Variants in THADA observed in about 807,000 individuals in gnomAD.
THADA encodes the protein tRNA (32-2'-O)-methyltransferase regulator THADA.
In THADA, 213 loss-of-function variants were observed where a neutral mutation model predicts 219.8. The ratio of observed to expected loss-of-function variants is 0.97; its 90% confidence interval spans 0.87 to 1.09. The LOEUF (loss-of-function observed/expected upper bound fraction) is 1.09, where lower values mean the gene tolerates loss of function less well. Ranked by LOEUF, THADA falls within the 50% of genes least tolerant of loss-of-function variation. The probability of loss-of-function intolerance (pLI) is 0.00; values close to 1 mark genes in which losing one functional copy is unlikely to be tolerated. For missense variants in THADA, 2,956 were observed against 2,311.3 expected, an observed-to-expected ratio of 1.28 and a Z score of -5.72; for synonymous variants, 1,018 against 828.9, an observed-to-expected ratio of 1.23 and a Z score of -3.92.
chr2:43,511,732 T>G (rs1414387678), intron 22 of THADA, among the ~76,000 whole-genome samples: 5 of 152,206 alleles, frequency 3.3e-5, no homozygotes, highest in Non-Finnish European at 7.3e-5. Context: ...TGATGAAACT[T>G]CCTCCAAATA....
intron 3 of THADA, 26 bp downstream of exon 3, chr2:43,591,926 A>G: frequency 1.4e-6 from 2 of 1,434,610 alleles, no homozygotes; most frequent in Non-Finnish European, 1.9e-6. Context: ...TTAAAGATGC[A>G]TCCATGAATA....
At chr2:43,347,236 G>C (rs1051140652) in intron 29 of THADA, among the ~76,000 whole-genome samples, 1 of 152,112 alleles carries the variant, frequency 6.6e-6, no homozygotes, top group East Asian at 1.9e-4. Flanking sequence ...ATGGTAAATG[G>C]CGTATAATAA....
intron 31 of THADA, among the ~76,000 whole-genome samples, chr2:43,314,695 G>A (rs960667320): frequency 3.3e-5 from 5 of 152,132 alleles, no homozygotes; most frequent in African/African-American, 4.8e-5. Context: ...GTGGCAGTTC[G>A]GCTTTTTCTT....
At chr2:43,500,013 C>A (rs1360584112) in intron 24 of THADA, among the ~76,000 whole-genome samples, 3 of 151,902 alleles carry the variant, frequency 2.0e-5, no homozygotes, top group East Asian at 3.9e-4. Flanking sequence ...CAGAAATAAA[C>A]CCCTGACATG....
At chr2:43,535,304 TC>T (rs1694423464) in intron 21 of THADA, among the ~76,000 whole-genome samples, 1 of 152,050 alleles carries the variant, frequency 6.6e-6, no homozygotes, top group African/African-American at 2.4e-5. Context: ...CTCTGTTGTT[TC>T]CTTTGCTGTG....
chr2:43,574,837 G>C lies in THADA; in HGVS notation c.1228C>G (p.Gln410Glu). Residue 410 changes from glutamine (Q) to glutamate (E), a missense_variant, in exon 11 of 38, where the codon CAA becomes GAA. Coordinates refer to ENST00000405975, the MANE Select transcript of THADA (RefSeq NM_022065.5). Reference sequence around the variant, plus strand: ...AGGTTTTTGAACATGATTTTGGTTTGGTGTCTCAGAGCATCCAATGGATGT... The same window carrying C: ...AGGTTTTTGAACATGATTTTGGTTTCGTGTCTCAGAGCATCCAATGGATGT... ...WEHPLDALRH[Q>E]TKIMFKNLLQ... is the part of the protein sequence containing the mutation. 6.2e-7 allele frequency: 1 copy of C among 1,613,946 alleles called. No homozygotes were observed. Among genetic ancestry groups the C allele is most frequent in the Non-Finnish European group, 8.5e-7 (1 of 1,179,878 alleles).
intron 35 of THADA, among the ~76,000 whole-genome samples, chr2:43,281,253 T>G (rs761438355): frequency 1.3e-5 from 2 of 152,176 alleles, no homozygotes; most frequent in Non-Finnish European, 2.9e-5. Flanking sequence ...GATTTAAATT[T>G]TACTCAGCCT....
At position 43,411,031 on chromosome 2, in the gene THADA, A is replaced by G. The variant is rs546429428; in HGVS notation, c.4059-12892T>C. On this transcript the variant is annotated intron_variant, in intron 28 of 37. Transcript: ENST00000405975. ...CAGCTATTTCCTTTAAACTTTTACA[A>G]CCAGAATTAATGTTCCCTTGTGCTC... 4.4e-4 allele frequency among the ~76,000 whole-genome samples: 67 copies of G among 152,350 alleles called. 1 individual carries two copies. In the South Asian group the frequency reaches 0.013, roughly 31 times the overall value.
chr2:43,269,265 C>CAG (rs1397955928), intron 36 of THADA, among the ~76,000 whole-genome samples: 1 of 152,182 alleles, frequency 6.6e-6, no homozygotes, highest in Non-Finnish European at 1.5e-5. Flanking sequence ...TCGCCTTGGC[C>CAG]AGAGAGCTCG....
chr2:43,420,677 A>G (rs980647729), intron 28 of THADA, among the ~76,000 whole-genome samples: 2 of 152,210 alleles, frequency 1.3e-5, no homozygotes, highest in African/African-American at 4.8e-5. Context: ...CTGCTCAAAA[A>G]CATATTTAGA....
At chr2:43,590,367 C>T (rs1445739689) in intron 4 of THADA, among the ~76,000 whole-genome samples, 1 of 152,046 alleles carries the variant, frequency 6.6e-6, no homozygotes, top group Non-Finnish European at 1.5e-5. Flanking sequence ...CCTAAGAAGG[C>T]TTTTTATACT....
chr2:43,445,624 T>C (rs1681427479), intron 26 of THADA, among the ~76,000 whole-genome samples: 1 of 152,214 alleles, frequency 6.6e-6, no homozygotes, highest in African/African-American at 2.4e-5. Context: ...CCAGTATCCT[T>C]GTTTCCCTGC....
At chr2:43,372,717 C>T (rs1158291491) in intron 29 of THADA, among the ~76,000 whole-genome samples, 4 of 152,136 alleles carry the variant, frequency 2.6e-5, no homozygotes, top group African/African-American at 9.7e-5. Context: ...GGCTCGACTT[C>T]CATTGTGACA....
chr2:43,535,759 TA>T, intron 21 of THADA, among the ~76,000 whole-genome samples: 1 of 151,998 alleles, frequency 6.6e-6, no homozygotes, highest in Non-Finnish European at 1.5e-5. Flanking sequence ...AGTAGTTTTA[TA>T]GTAGTCTTTA....
At chr2:43,289,961 T>G (rs562647356) in intron 34 of THADA, among the ~76,000 whole-genome samples, 184 of 132,444 alleles carry the variant, frequency 1.4e-3, no homozygotes, top group Middle Eastern at 3.8e-3. Flanking sequence ...GCCCTGGTGT[T>G]TTTTTTTTGT....
chr2:43,547,241 G>C (rs141311393), intron 20 of THADA, among the ~76,000 whole-genome samples: 1 of 151,982 alleles, frequency 6.6e-6, no homozygotes, highest in Non-Finnish European at 1.5e-5. Context: ...CGAGAGATCC[G>C]CTGTTAGTCG....
At chr2:43,324,197 A>G (rs1462137974) in intron 30 of THADA, among the ~76,000 whole-genome samples, 3 of 152,218 alleles carry the variant, frequency 2.0e-5, no homozygotes, top group African/African-American at 7.2e-5. Flanking sequence ...CTAAGTTAGC[A>G]TATTTTTAAA....
chr2:43,554,436 C>A (rs988851481), intron 17 of THADA, among the ~76,000 whole-genome samples: 2 of 152,016 alleles, frequency 1.3e-5, no homozygotes, highest in Admixed American at 1.3e-4. Flanking sequence ...TTATTCAGAA[C>A]ATATAAAAGA....
At chr2:43,392,161 C>T (rs1397913205) in intron 29 of THADA, among the ~76,000 whole-genome samples, 6 of 151,956 alleles carry the variant, frequency 3.9e-5, no homozygotes, top group Non-Finnish European at 8.8e-5. Flanking sequence ...ACAGCTGGAC[C>T]GTTTTATGTT....
Sources: gnomAD v4.1 joint callset for allele counts (sites outside exome capture counted in the v4.1 genomes callset) on GRCh38, gnomAD v4.1.1 for gene constraint, MANE v1.5 for transcripts, NCBI Gene and HGNC (gene_info 2026-07-23, HGNC 2026-07-21) for gene names.